TSHZ3: variants seen among roughly 807,000 people sequenced by gnomAD.
The protein encoded by TSHZ3 is teashirt homolog 3.
A neutral mutation model predicts 64.5 loss-of-function variants in TSHZ3; 10 were observed. The ratio of observed to expected loss-of-function variants is 0.16; its 90% CI spans 0.10 to 0.26. TSHZ3 has a LOEUF of 0.26. Among genes scored for constraint, TSHZ3 ranks in the 10% least tolerant of loss-of-function variants. TSHZ3 has a pLI of 1.00. For missense variants in TSHZ3, 1,242 were observed against 1,421.7 expected, an observed-to-expected ratio of 0.87 and a Z score of 2.03; for synonymous variants, 608 against 593.1, an observed-to-expected ratio of 1.03 and a Z score of -0.36.
At chr19:31,262,315 T>A (rs1975990694) in intron 1 of TSHZ3, among the ~76,000 whole-genome samples, 1 of 152,244 alleles carries the variant, frequency 6.6e-6, no homozygotes, top group African/African-American at 2.4e-5. Context: ...AATTGTTGTA[T>A]CTGTCAGTCA....
At chr19:31,184,984 T>C (rs925616608) in intron 5 of TSHZ3, among the ~76,000 whole-genome samples, 20 of 152,136 alleles carry the variant, frequency 1.3e-4, no homozygotes, top group Admixed American at 1.3e-3. Flanking sequence ...ACAACCTCTG[T>C]GCTGAGCAGA....
chr19:31,278,609 T>C lies in TSHZ3; in HGVS notation c.1184A>G (p.His395Arg), dbSNP rs1206220919. 1.2e-6 allele frequency: 2 copies of C among 1,614,038 alleles called. No homozygotes were observed. Among genetic ancestry groups the C allele is most frequent in the African/African-American group, 1.3e-5 (1 of 74,910 alleles). The change falls in exon 2 of 2, where the codon CAT (histidine) becomes CGT (arginine). Residue 395 changes from histidine to arginine, a missense_variant. Around this residue, in one of 4 missense-constraint regions of TSHZ3, gnomAD observed 555 missense variants for 704.0 expected, o/e 0.79. Transcript: ENST00000240587. The surrounding 1 kb of genome is among the most constrained non-coding windows in gnomAD (Gnocchi z 4.7). ...ILKCMECGSS[H>R]DTLQELTAHM... ...GGCAGTGAGCTCCTGCAGGGTGTCA[T>C]GCGAGCTCCCACACTCCATGCACTT...
At chr19:31,272,994 T>G (rs1043461179), downstream of TSHZ3, among the ~76,000 whole-genome samples, 7 of 152,168 alleles carry the variant, frequency 4.6e-5, no homozygotes, top group African/African-American at 1.7e-4. Flanking sequence ...ACATGAGCAC[T>G]ACGACAGACG....
chr19:31,293,204 T>C (rs149882630), intron 1 of TSHZ3, among the ~76,000 whole-genome samples: 232 of 152,324 alleles, frequency 1.5e-3, no homozygotes, highest in African/African-American at 5.4e-3. Flanking sequence ...ACACTAATTA[T>C]ATACTCCAGA....
At chr19:31,235,540 GTA>G (rs904575725) in intron 3 of TSHZ3, among the ~76,000 whole-genome samples, 6 of 151,630 alleles carry the variant, frequency 4.0e-5, no homozygotes, top group Non-Finnish European at 7.4e-5. Context: ...TCCAATGTGT[GTA>G]TGTGTGTGTG....
chr19:31,340,338 C>CAAAAAAAAAAAAAAAAAAAAA lies in TSHZ3; in HGVS notation c.40+8821_40+8841dup, dbSNP rs1160334453. Among the ~76,000 whole-genome samples the CAAAAAAAAAAAAAAAAAAAAA allele has an allele frequency of 1.8e-4, 6 of 32,754 alleles. 1 individual carries two copies. The highest frequency in any genetic ancestry group is 2.9e-4 in the African/African-American group (3 of 10,208). The allele number at this position is 32,754 out of a possible 152,430, so 21.5% of individuals were successfully genotyped here. ...ATTAATTAGCAACAGGCCTACAGTA[C>CAAAAAAAAAAAAAAAAAAAAA]AAAAAAAAAAAAAAAAAAAAAAAAA... On this transcript the variant is annotated intron_variant, in intron 1 of 1. Transcript: ENST00000240587.
intron 5 of TSHZ3, among the ~76,000 whole-genome samples, chr19:31,183,517 T>C (rs1040224300): frequency 2.6e-5 from 4 of 152,170 alleles, no homozygotes; most frequent in African/African-American, 9.6e-5. Context: ...ATTGCTCGAA[T>C]TGCCACTGAA....
chr19:31,223,641 G>A lies in TSHZ3; in HGVS notation n.686+4364C>T, dbSNP rs542237783. Among the ~76,000 whole-genome samples the A allele has an allele frequency of 2.6e-5, 4 of 152,170 alleles. No individual in the cohort carries two copies. In the East Asian group the frequency reaches 7.7e-4, roughly 29 times the overall value. On this transcript the variant is annotated intron_variant and non_coding_transcript_variant, in intron 4 of 6. Transcript: ENST00000651361. The stretch of plus-strand genomic sequence containing the variant: ...AAAAGCAAATATTATACTCTTTATT[G>A]TCAAACAAAGTTTATAAGGTTCGTG...
chr19:31,250,095 C>A (rs1011802709), intron 1 of TSHZ3, among the ~76,000 whole-genome samples: 2 of 152,220 alleles, frequency 1.3e-5, no homozygotes, highest in Admixed American at 1.3e-4. Flanking sequence ...GTCGAGTGAA[C>A]ACATGGACAG....
chr19:31,299,866 T>C (rs914619495), intron 1 of TSHZ3, among the ~76,000 whole-genome samples: 2 of 152,186 alleles, frequency 1.3e-5, no homozygotes, highest in African/African-American at 4.8e-5. Flanking sequence ...CACTGTATCA[T>C]CGCCACTGTG....
At chr19:31,247,600 C>T (rs1031216090) in intron 1 of TSHZ3, among the ~76,000 whole-genome samples, 1 of 152,178 alleles carries the variant, frequency 6.6e-6, no homozygotes, top group Non-Finnish European at 1.5e-5. Flanking sequence ...AACTCACGAT[C>T]TGTGATTTCC....
At chr19:31,198,883 A>G (rs1324433931) in intron 5 of TSHZ3, among the ~76,000 whole-genome samples, 2 of 152,314 alleles carry the variant, frequency 1.3e-5, no homozygotes, top group African/African-American at 2.4e-5. Context: ...GCACAATCCT[A>G]ATCAAAATCC....
At chr19:31,283,630 C>T (rs4805665) in intron 1 of TSHZ3, among the ~76,000 whole-genome samples, 1 of 151,958 alleles carries the variant, frequency 6.6e-6, no homozygotes, top group Non-Finnish European at 1.5e-5. Context: ...ATATTTGTAA[C>T]GTCCTTCCTC....
chr19:31,349,761 G>A (rs2021652026), upstream of TSHZ3, among the ~76,000 whole-genome samples: 1 of 148,528 alleles, frequency 6.7e-6, no homozygotes. Context: ...GCATCCGGGG[G>A]GACGCGCAGC....
At chr19:31,156,703 T>A (rs1436779269) in intron 5 of TSHZ3, among the ~76,000 whole-genome samples, 1 of 152,172 alleles carries the variant, frequency 6.6e-6, no homozygotes, top group Non-Finnish European at 1.5e-5. Flanking sequence ...AAGTGGTTCA[T>A]GGATTTTTTT....
intron 3 of TSHZ3, among the ~76,000 whole-genome samples, chr19:31,236,126 T>C (rs1310027686): frequency 2.6e-5 from 4 of 152,214 alleles, no homozygotes; most frequent in African/African-American, 7.2e-5. Flanking sequence ...TCATTTCCTT[T>C]GGATCTATAT....
intron 1 of TSHZ3, among the ~76,000 whole-genome samples, chr19:31,253,338 T>G (rs10406572): frequency 0.35 from 52,832 of 151,892 alleles, 13,446 homozygotes; most frequent in African/African-American, 0.71. Context: ...TGGATCAAGA[T>G]AAGAAGAAGA....
At chr19:31,272,228 C>A (rs183279601), downstream of TSHZ3, among the ~76,000 whole-genome samples, 3 of 152,106 alleles carry the variant, frequency 2.0e-5, no homozygotes, top group Non-Finnish European at 2.9e-5. Flanking sequence ...TGGAGCTGGA[C>A]GGCTTAGAGG....
chr19:31,154,547 T>C (rs1180537832), intron 6 of TSHZ3, among the ~76,000 whole-genome samples: 1 of 152,146 alleles, frequency 6.6e-6, no homozygotes, highest in Non-Finnish European at 1.5e-5. Context: ...GCAGACACTT[T>C]GAAGGGCTGG....
Sources: gnomAD v4.1 joint callset for allele counts (sites outside exome capture counted in the v4.1 genomes callset) on GRCh38, gnomAD v4.1.1 for gene constraint, gnomAD v4.1.1 regional missense constraint, Gnocchi (gnomAD v3.1) non-coding constraint, MANE v1.5 for transcripts, NCBI Gene and HGNC (gene_info 2026-07-23, HGNC 2026-07-21) for gene names.